ADGRB3: variants seen among roughly 807,000 people sequenced by gnomAD.
ADGRB3 encodes adhesion G protein-coupled receptor B3.
Under a neutral mutation model 193.4 loss-of-function variants are expected in ADGRB3, and 37 were observed. The ratio of observed to expected loss-of-function variants is 0.19; its 90% CI spans 0.15 to 0.25. ADGRB3 has a LOEUF of 0.25. Ranked by LOEUF, ADGRB3 falls within the 10% of genes least tolerant of loss-of-function variation. The pLI, the probability that ADGRB3 is intolerant of heterozygous loss-of-function variation, is 1.00. For synonymous variants in ADGRB3, 690 were observed against 644.2 expected (o/e 1.07, Z -1.08); for missense variants, 1,637 against 1,852.9 (o/e 0.88, Z 2.14).
intron 28 of ADGRB3, among the ~76,000 whole-genome samples, chr6:69,357,206 G>A (rs1769355051): frequency 6.6e-6 from 1 of 151,802 alleles, no homozygotes; most frequent in Non-Finnish European, 1.5e-5. Context: ...TTATCACAGT[G>A]GGCTCTTTAC....
At chr6:68,802,763 A>G (rs1244656166) in intron 3 of ADGRB3, among the ~76,000 whole-genome samples, 2 of 152,198 alleles carry the variant, frequency 1.3e-5, no homozygotes, top group African/African-American at 4.8e-5. Flanking sequence ...AACCCAAGGA[A>G]TTAGATTTTC....
intron 3 of ADGRB3, among the ~76,000 whole-genome samples, chr6:68,686,294 T>C (rs1764982256): frequency 6.6e-6 from 1 of 152,178 alleles, no homozygotes; most frequent in African/African-American, 2.4e-5. Context: ...GCAGATACGA[T>C]TTTTCTTTGG....
chr6:68,772,894 A>AAATATATAT (rs1466813173), intron 3 of ADGRB3, among the ~76,000 whole-genome samples: 7 of 22,876 alleles, frequency 3.1e-4, no homozygotes, highest in African/African-American at 7.8e-4. Flanking sequence ...AAAAAAAAAA[A>AAATATATAT]ATATATATAT....
At chr6:69,074,747 G>A (rs1419947192) in intron 16 of ADGRB3, among the ~76,000 whole-genome samples, 2 of 151,810 alleles carry the variant, frequency 1.3e-5, no homozygotes, top group Non-Finnish European at 1.5e-5. Flanking sequence ...GGGTTTCACT[G>A]TGTTAGCCAG....
chr6:69,130,783 G>A lies in ADGRB3; in HGVS notation c.2480+54745G>A, dbSNP rs151256177. Among the ~76,000 whole-genome samples, 7 of 151,904 alleles carry A rather than the reference G, an allele frequency of 4.6e-5. No individual in the cohort carries two copies. In the Middle Eastern group the frequency reaches 0.014, roughly 295 times the overall value. On this transcript the variant is annotated intron_variant, in intron 17 of 31. Coordinates refer to ENST00000370598, the MANE Select transcript of ADGRB3 (RefSeq NM_001704.3). ...CAGTATCTCAGCTTTTTTCTTGAAT[G>A]ACACAATGATTTCAGCTCTTTAATG...
At chr6:68,672,486 A>AT in intron 3 of ADGRB3, among the ~76,000 whole-genome samples, 1 of 151,942 alleles carries the variant, frequency 6.6e-6, no homozygotes, top group African/African-American at 2.4e-5. Flanking sequence ...GTTTCAAGAA[A>AT]TTTTTACTGA....
chr6:69,032,355 A>G (rs770870178), intron 13 of ADGRB3, among the ~76,000 whole-genome samples: 4 of 152,202 alleles, frequency 2.6e-5, no homozygotes, highest in African/African-American at 7.2e-5. Context: ...TTGTATTGCA[A>G]TGATTTGAAA....
Position 69,018,377 on chromosome 6 carries a change from G to C in ADGRB3, c.1999-14G>C, listed in dbSNP as rs774111248. On this transcript the variant is annotated splice_polypyrimidine_tract_variant and intron_variant, in intron 12 of 31. Transcript: ENST00000370598. ...AGATTTTTTATTCCTTCTAACCTTTGCTTATTTTTCTAGATTTATCCAGGG... is the reference window on the plus strand; with the variant it reads ...AGATTTTTTATTCCTTCTAACCTTTCCTTATTTTTCTAGATTTATCCAGGG... 1 of 1,531,332 alleles carries C rather than the reference G, an allele frequency of 6.5e-7. No individual in the cohort carries two copies. The highest frequency in any genetic ancestry group is 2.3e-5 in the East Asian group (1 of 44,190). 94.9% of individuals were successfully genotyped at this position (1,531,332 alleles called of 1,614,324 possible). A position where few individuals can be genotyped will look rare whatever the true frequency, so the allele number is the denominator to read the frequency against.
chr6:68,908,078 CAAT>C (rs1179975286), intron 3 of ADGRB3, among the ~76,000 whole-genome samples: 4 of 151,770 alleles, frequency 2.6e-5, no homozygotes, highest in South Asian at 2.1e-4. Flanking sequence ...TTAATGTTTA[CAAT>C]AATATCAACT....
At chr6:69,291,178 G>A (rs541619984) in intron 20 of ADGRB3, among the ~76,000 whole-genome samples, 6 of 152,110 alleles carry the variant, frequency 3.9e-5, no homozygotes, top group Admixed American at 1.3e-4. Flanking sequence ...GGATAATTTA[G>A]CCCTGTATGT....
intron 20 of ADGRB3, among the ~76,000 whole-genome samples, chr6:69,298,714 T>C (rs1767886563): frequency 1.3e-5 from 2 of 152,060 alleles, no homozygotes; most frequent in Admixed American, 1.3e-4. Flanking sequence ...ATGATAGGAC[T>C]TCATTCTTTT....
At chr6:68,773,436 T>C (rs1766678286) in intron 3 of ADGRB3, among the ~76,000 whole-genome samples, 1 of 152,140 alleles carries the variant, frequency 6.6e-6, no homozygotes, top group South Asian at 2.1e-4. Flanking sequence ...TGATACTCAG[T>C]TCATAAACCT....
chr6:69,133,246 C>G (rs779647388), intron 17 of ADGRB3, among the ~76,000 whole-genome samples: 10 of 152,134 alleles, frequency 6.6e-5, no homozygotes, highest in Non-Finnish European at 1.3e-4. Flanking sequence ...TTGATTCTTT[C>G]TATCCATGAG....
rs189488068 is a variant in ADGRB3 at position 69,244,525 on chromosome 6, C to T, written c.2814+5299C>T. Among the ~76,000 whole-genome samples the T allele has an allele frequency of 7.2e-4, 109 of 152,126 alleles. 1 individual carries two copies. Among genetic ancestry groups the T allele is most frequent in the Admixed American group, 2.2e-3 (33 of 15,244 alleles). ...TGACCTCTAAATATCTATGTGTTTT[C>T]GACTTCTGAGAAAAAATATTGAACA... On this transcript the variant is annotated intron_variant, in intron 20 of 31. Coordinates refer to ENST00000370598, the MANE Select transcript of ADGRB3 (RefSeq NM_001704.3).
intron 3 of ADGRB3, among the ~76,000 whole-genome samples, chr6:68,927,601 G>T (rs997120749): frequency 2.0e-5 from 3 of 151,994 alleles, no homozygotes; most frequent in African/African-American, 7.2e-5. Context: ...AAACAAAGAA[G>T]ATTTTTATTT....
chr6:68,825,773 G>A (rs1030369673), intron 3 of ADGRB3, among the ~76,000 whole-genome samples: 2 of 152,194 alleles, frequency 1.3e-5, no homozygotes, highest in African/African-American at 4.8e-5. Context: ...GCCTTGTGAA[G>A]AAAGTGCCTT....
intron 20 of ADGRB3, among the ~76,000 whole-genome samples, chr6:69,299,207 T>C (rs1301375959): frequency 6.6e-6 from 1 of 151,938 alleles, no homozygotes; most frequent in Non-Finnish European, 1.5e-5. Flanking sequence ...ATTCACATCT[T>C]TTTTTTCACT....
intron 23 of ADGRB3, chr6:69,331,496 C>T (rs1768727932): frequency 3.1e-6 from 3 of 981,158 alleles, no homozygotes; most frequent in Middle Eastern, 5.2e-4. Flanking sequence ...GTAGTGACAT[C>T]CTACTAATTC....
At position 69,176,886 on chromosome 6, in the gene ADGRB3, A is replaced by G. The variant is rs149461558; in HGVS notation, c.2481-56404A>G. 9.8e-4 allele frequency among the ~76,000 whole-genome samples: 149 copies of G among 152,080 alleles called. 1 individual carries two copies. Among genetic ancestry groups the G allele is most frequent in the Non-Finnish European group, 1.8e-3 (125 of 67,972 alleles). ...ATTGTATGCTTCTAGGAATTTATCT[A>G]TTTCCTCTAGATTTTCTAGTTTGTC... On this transcript the variant is annotated intron_variant, in intron 17 of 31. Coordinates refer to ENST00000370598, the MANE Select transcript of ADGRB3 (RefSeq NM_001704.3).
Sources: gnomAD v4.1 joint callset for allele counts (sites outside exome capture counted in the v4.1 genomes callset) on GRCh38, gnomAD v4.1.1 for gene constraint, MANE v1.5 for transcripts, NCBI Gene and HGNC (gene_info 2026-07-23, HGNC 2026-07-21) for gene names.